ARK2C: variants seen among roughly 807,000 people sequenced by gnomAD.
The protein encoded by ARK2C is arkadia (RNF111) C-terminal like ring finger ubiquitin ligase 2C.
the ARK2C span, among the ~76,000 whole-genome samples, chr18:46,396,300 AGTT>A: frequency 0.015 from 2,298 of 152,262 alleles, 56 homozygotes; most frequent in African/African-American, 0.053. Context: ...CCATTTTTGT[AGTT>A]GTTGTCTCAT....
chr18:46,409,851 A>C, the ARK2C span, among the ~76,000 whole-genome samples: 1 of 152,188 alleles, frequency 6.6e-6, no homozygotes, highest in Non-Finnish European at 1.5e-5. Context: ...ATGTTCTCCT[A>C]TTGATGGACA....
the ARK2C span, among the ~76,000 whole-genome samples, chr18:46,376,137 T>A: frequency 6.6e-6 from 1 of 152,212 alleles, no homozygotes; most frequent in African/African-American, 2.4e-5. Context: ...GGACTTCTCT[T>A]GGCACCTGCT....
the ARK2C span, among the ~76,000 whole-genome samples, chr18:46,452,252 T>C: frequency 2.0e-5 from 3 of 152,172 alleles, no homozygotes; most frequent in African/African-American, 7.2e-5. Context: ...GTATAGGGTA[T>C]ATGGGAAAAC....
chr18:46,453,286 T>G, the ARK2C span, among the ~76,000 whole-genome samples: 1 of 152,134 alleles, frequency 6.6e-6, no homozygotes, highest in East Asian at 1.9e-4. Flanking sequence ...GAGAGAGAGT[T>G]TTAAGCTATT....
the ARK2C span, among the ~76,000 whole-genome samples, chr18:46,443,305 C>G: frequency 6.6e-6 from 1 of 152,036 alleles, no homozygotes; most frequent in African/African-American, 2.4e-5. Flanking sequence ...AATAGTCATA[C>G]CACTTTATTT....
the ARK2C span, chr18:46,334,709 TGTGTGTGA>T: frequency 0.13 from 18,490 of 142,208 alleles, 371 homozygotes; most frequent in Admixed American, 0.2. The surrounding 1 kb of genome is among the most constrained non-coding windows in gnomAD (Gnocchi z 4.4). Flanking sequence ...TGTGTGTGTG[TGTGTGTGA>T]GAGAGAGAGA....
At chr18:46,446,532 G>A in the ARK2C span, among the ~76,000 whole-genome samples, 3 of 151,734 alleles carry the variant, frequency 2.0e-5, no homozygotes, top group Admixed American at 6.6e-5. Flanking sequence ...TTATCCGGGC[G>A]TGGTGTGGCA....
chr18:46,385,268 C>T, the ARK2C span, among the ~76,000 whole-genome samples: 1 of 152,212 alleles, frequency 6.6e-6, no homozygotes, highest in African/African-American at 2.4e-5. Flanking sequence ...TCTAATTGCA[C>T]AGAGATGAGA....
At chr18:46,418,244 C>G in the ARK2C span, among the ~76,000 whole-genome samples, 1 of 152,010 alleles carries the variant, frequency 6.6e-6, no homozygotes, top group Non-Finnish European at 1.5e-5. Context: ...ATAGTCCCAG[C>G]TACTTAGGAG....
the ARK2C span, chr18:46,456,192 C>A: frequency 1.4e-6 from 1 of 722,602 alleles, no homozygotes; most frequent in Non-Finnish European, 2.5e-6. Flanking sequence ...CACGTATGTG[C>A]CAAGTGTGCT....
chr18:46,409,081 A>G, the ARK2C span, among the ~76,000 whole-genome samples: 1 of 152,178 alleles, frequency 6.6e-6, no homozygotes, highest in Non-Finnish European at 1.5e-5. Context: ...TAAATGAGTT[A>G]ATATATGTGG....
the ARK2C span, among the ~76,000 whole-genome samples, chr18:46,353,271 A>G: frequency 6.6e-6 from 1 of 152,214 alleles, no homozygotes; most frequent in African/African-American, 2.4e-5. Flanking sequence ...TGGGCAAAAT[A>G]TTTAACCTCT....
At chr18:46,395,182 G>A in the ARK2C span, among the ~76,000 whole-genome samples, 2 of 152,222 alleles carry the variant, frequency 1.3e-5, no homozygotes, top group Admixed American at 1.3e-4. Context: ...CCAGTACCAC[G>A]TTTGCTATTA....
At chr18:46,357,451 G>T in the ARK2C span, among the ~76,000 whole-genome samples, 1 of 152,256 alleles carries the variant, frequency 6.6e-6, no homozygotes, top group African/African-American at 2.4e-5. Flanking sequence ...AGAACAGGGT[G>T]TCAGGCAAGA....
chr18:46,439,733 A>G, the ARK2C span, among the ~76,000 whole-genome samples: 1 of 152,258 alleles, frequency 6.6e-6, no homozygotes, highest in African/African-American at 2.4e-5. Flanking sequence ...TATAGAAAAT[A>G]TCAAACAATA....
the ARK2C span, chr18:46,435,258 A>T: frequency 6.3e-7 from 1 of 1,595,704 alleles, no homozygotes; most frequent in Non-Finnish European, 8.6e-7. Context: ...GTAGCCCCTG[A>T]CACGAGGGCT....
the ARK2C span, among the ~76,000 whole-genome samples, chr18:46,436,421 C>T: frequency 6.6e-6 from 1 of 152,072 alleles, no homozygotes; most frequent in Non-Finnish European, 1.5e-5. Flanking sequence ...GCTGTTCTTG[C>T]AACTTTTAGG....
the ARK2C span, among the ~76,000 whole-genome samples, chr18:46,404,358 A>G: frequency 2.6e-5 from 4 of 152,200 alleles, no homozygotes; most frequent in African/African-American, 9.7e-5. Context: ...AAGGATAGGA[A>G]GAAGGATGAC....
At chr18:46,398,313 G>T in the ARK2C span, among the ~76,000 whole-genome samples, 1 of 151,854 alleles carries the variant, frequency 6.6e-6, no homozygotes, top group Admixed American at 6.6e-5. Flanking sequence ...GAGGCCGCAG[G>T]GCAGGAAGAA....
Sources: gnomAD v4.1 joint callset for allele counts (sites outside exome capture counted in the v4.1 genomes callset) on GRCh38, gnomAD v4.1.1 for gene constraint, Gnocchi (gnomAD v3.1) non-coding constraint, MANE v1.5 for transcripts, NCBI Gene and HGNC (gene_info 2026-07-23, HGNC 2026-07-21) for gene names.